CACNA2D3: variants seen among roughly 807,000 people sequenced by gnomAD.
CACNA2D3 encodes voltage-dependent calcium channel subunit alpha-2/delta-3.
Under a neutral mutation model 160.6 loss-of-function variants are expected in CACNA2D3, and 60 were observed. That is an observed-to-expected ratio of 0.37 (90% CI 0.30 to 0.46). The LOEUF (loss-of-function observed/expected upper bound fraction) is 0.46, where lower values mean the gene tolerates loss of function less well. CACNA2D3 is among the 20% of genes least tolerant of loss of function. CACNA2D3 has a pLI of 1.00. For missense variants in CACNA2D3, 1,205 were observed against 1,365.0 expected, an observed-to-expected ratio of 0.88 and a Z score of 1.85; for synonymous variants, 558 against 492.9, an observed-to-expected ratio of 1.13 and a Z score of -1.75.
chr3:54,155,898 T>A (rs568076521), intron 2 of CACNA2D3, among the ~76,000 whole-genome samples: 1 of 152,362 alleles, frequency 6.6e-6, no homozygotes, highest in South Asian at 2.1e-4. Context: ...GAACTTTGAT[T>A]TACCATAGTT....
At chr3:54,407,899 A>C (rs1430931375) in intron 4 of CACNA2D3, among the ~76,000 whole-genome samples, 2 of 152,120 alleles carry the variant, frequency 1.3e-5, no homozygotes, top group African/African-American at 2.4e-5. Flanking sequence ...GCTCATCCGT[A>C]AAAGGATGCA....
intron 11 of CACNA2D3, among the ~76,000 whole-genome samples, chr3:54,661,840 GTGTGTA>G (rs1196086858): frequency 0.095 from 1,703 of 17,934 alleles, 17 homozygotes; most frequent in African/African-American, 0.19. Context: ...TCTCAGGGAT[GTGTGTA>G]TGTGTGTGTG....
chr3:54,270,109 C>T (rs1388403863), intron 2 of CACNA2D3, among the ~76,000 whole-genome samples: 3 of 152,128 alleles, frequency 2.0e-5, no homozygotes, highest in Admixed American at 1.3e-4. Flanking sequence ...GGCGTGAAAG[C>T]GTTTTTTAAA....
At chr3:54,166,969 T>C (rs1161756452) in intron 2 of CACNA2D3, among the ~76,000 whole-genome samples, 1 of 152,230 alleles carries the variant, frequency 6.6e-6, no homozygotes, top group African/African-American at 2.4e-5. Flanking sequence ...ATTACCTGGA[T>C]TACAGTTTTC....
chr3:54,751,889 T>C (rs1024799199), intron 11 of CACNA2D3, among the ~76,000 whole-genome samples: 8 of 152,240 alleles, frequency 5.3e-5, no homozygotes, highest in Admixed American at 5.2e-4. Flanking sequence ...TCATTCCTTA[T>C]CTTTCTTCCA....
intron 2 of CACNA2D3, among the ~76,000 whole-genome samples, chr3:54,165,134 T>TTG (rs1553741532): frequency 2.7e-5 from 4 of 145,616 alleles, no homozygotes; most frequent in African/African-American, 8.3e-5. Context: ...TTTTTTTTTT[T>TTG]GTCAAACAAG....
chr3:54,362,878 A>G (rs531524272), intron 3 of CACNA2D3, among the ~76,000 whole-genome samples: 22 of 152,230 alleles, frequency 1.4e-4, no homozygotes, highest in African/African-American at 5.1e-4. Context: ...GAAATTGAGT[A>G]TAAGTGTTAA....
intron 2 of CACNA2D3, among the ~76,000 whole-genome samples, chr3:54,142,826 G>C (rs1299784042): frequency 1.3e-5 from 2 of 152,156 alleles, no homozygotes; most frequent in Admixed American, 1.3e-4. Flanking sequence ...TCCACAATGG[G>C]CATTTTGACT....
intron 14 of CACNA2D3, among the ~76,000 whole-genome samples, chr3:54,830,413 G>T (rs958528103): frequency 6.6e-6 from 1 of 151,678 alleles, no homozygotes; most frequent in Non-Finnish European, 1.5e-5. Context: ...GCTTCAGTTG[G>T]GTAGGTAACT....
At chr3:54,914,782 G>A (rs1196095189) in intron 27 of CACNA2D3, among the ~76,000 whole-genome samples, 2 of 152,158 alleles carry the variant, frequency 1.3e-5, no homozygotes, top group African/African-American at 4.8e-5. Context: ...GCAATGCCAT[G>A]TGGAGTTGGA....
intron 13 of CACNA2D3, among the ~76,000 whole-genome samples, chr3:54,801,984 C>T (rs1031707081): frequency 2.0e-5 from 3 of 152,180 alleles, no homozygotes; most frequent in Non-Finnish European, 2.9e-5. Flanking sequence ...TGATATGCAG[C>T]AAAAATTAGA....
At chr3:54,405,228 T>C (rs952060821) in intron 4 of CACNA2D3, among the ~76,000 whole-genome samples, 7 of 146,376 alleles carry the variant, frequency 4.8e-5, no homozygotes, top group Non-Finnish European at 8.9e-5. Context: ...AAAATTTATG[T>C]GGAACCACAT....
At chr3:54,907,948 C>T (rs1256454660) in intron 27 of CACNA2D3, among the ~76,000 whole-genome samples, 1 of 152,120 alleles carries the variant, frequency 6.6e-6, no homozygotes, top group South Asian at 2.1e-4. Context: ...TATGGATAGA[C>T]AACATTTAGC....
chr3:54,756,577 A>G (rs1181039276), intron 12 of CACNA2D3, among the ~76,000 whole-genome samples: 4 of 152,188 alleles, frequency 2.6e-5, no homozygotes, highest in Non-Finnish European at 5.9e-5. Context: ...GAAATGAAGC[A>G]TTAGCATTCA....
rs1698650936 is a variant in CACNA2D3 at position 54,835,160 on chromosome 3, GTCACGGA to G, written c.1399-1998_1399-1992del. 8.5e-5 allele frequency among the ~76,000 whole-genome samples: 13 copies of G among 152,168 alleles called. 2 individuals are homozygous for G. The South Asian group carries it at 2.3e-3, about 27-fold the overall frequency. ...AGGAGATTCTTGCTTCATTTTACTT[GTCACGGA>G]GGGATATAGGACTATCTTGATATCC... On this transcript the variant is annotated intron_variant, in intron 14 of 37. Coordinates refer to ENST00000474759, the MANE Select transcript of CACNA2D3 (RefSeq NM_018398.3).
chr3:54,289,128 C>T (rs1004359248), intron 2 of CACNA2D3, among the ~76,000 whole-genome samples: 3 of 152,132 alleles, frequency 2.0e-5, no homozygotes, highest in Non-Finnish European at 4.4e-5. Context: ...TCCCTGTTTG[C>T]AGACGACATG....
intron 35 of CACNA2D3, among the ~76,000 whole-genome samples, chr3:55,053,187 T>C (rs934515079): frequency 6.6e-6 from 1 of 152,122 alleles, no homozygotes; most frequent in Non-Finnish European, 1.5e-5. Context: ...AAGTTACTAC[T>C]GATTTTCTTT....
chr3:54,179,466 A>G (rs1288402561), intron 2 of CACNA2D3, among the ~76,000 whole-genome samples: 1 of 152,112 alleles, frequency 6.6e-6, no homozygotes, highest in African/African-American at 2.4e-5. Context: ...GTTATGTTCT[A>G]AGGCAGCTGT....
chr3:54,374,507 A>G (rs1698976269), intron 3 of CACNA2D3, among the ~76,000 whole-genome samples: 1 of 152,206 alleles, frequency 6.6e-6, no homozygotes, highest in African/African-American at 2.4e-5. Flanking sequence ...CTTAGTCACA[A>G]GATTGAATGG....
Sources: gnomAD v4.1 joint callset for allele counts (sites outside exome capture counted in the v4.1 genomes callset) on GRCh38, gnomAD v4.1.1 for gene constraint, MANE v1.5 for transcripts, NCBI Gene and HGNC (gene_info 2026-07-23, HGNC 2026-07-21) for gene names.